Variants in PLEKHM3 observed in about 807,000 individuals in gnomAD.
PLEKHM3 encodes the protein pleckstrin homology domain-containing family M member 3.
In PLEKHM3, 45 loss-of-function variants were observed where a neutral mutation model predicts 81.8. That is an observed-to-expected ratio of 0.55 (90% CI 0.43 to 0.71). The LOEUF is 0.71. Ranked by LOEUF, PLEKHM3 falls within the 30% of genes least tolerant of loss-of-function variation. The pLI, the probability that PLEKHM3 is intolerant of heterozygous loss-of-function variation, is 0.00. For synonymous variants in PLEKHM3, 352 were observed against 356.4 expected (o/e 0.99, Z 0.14); for missense variants, 788 against 924.3 (o/e 0.85, Z 1.91).
chr2:208,004,556 T>C (rs1040020523), intron 1 of PLEKHM3, among the ~76,000 whole-genome samples: 4 of 152,184 alleles, frequency 2.6e-5, no homozygotes, highest in Admixed American at 1.3e-4. Flanking sequence ...TAGTATTTCA[T>C]AGAAGAAGCC....
At chr2:207,920,630 T>C (rs1003952984) in intron 5 of PLEKHM3, among the ~76,000 whole-genome samples, 5 of 151,918 alleles carry the variant, frequency 3.3e-5, no homozygotes, top group Non-Finnish European at 7.4e-5. Flanking sequence ...AAAAAGCTGT[T>C]TGATTTCTAA....
chr2:207,982,610 C>T (rs185668567), intron 2 of PLEKHM3, among the ~76,000 whole-genome samples: 3 of 142,972 alleles, frequency 2.1e-5, no homozygotes, highest in East Asian at 4.1e-4. Context: ...CGAAGTCTTG[C>T]TCTTGTCCCA....
intron 3 of PLEKHM3, among the ~76,000 whole-genome samples, chr2:207,947,706 A>T (rs1256608763): frequency 1.3e-5 from 2 of 152,226 alleles, no homozygotes; most frequent in Admixed American, 1.3e-4. Context: ...CTCTTTCAGT[A>T]CTACTACAAT....
intron 4 of PLEKHM3, among the ~76,000 whole-genome samples, chr2:207,931,879 G>T (rs910573651): frequency 1.3e-5 from 2 of 152,178 alleles, no homozygotes; most frequent in African/African-American, 4.8e-5. Flanking sequence ...AGGTTAAGGC[G>T]GGAGAATTGC....
intron 3 of PLEKHM3, among the ~76,000 whole-genome samples, chr2:207,956,719 T>A (rs1010452272): frequency 2.7e-5 from 1 of 37,394 alleles, no homozygotes; most frequent in East Asian, 4.3e-4. Context: ...CTGATTAAAA[T>A]TTTTTTTTTT....
chr2:207,831,510 T>C lies in PLEKHM3; in HGVS notation c.2109-3014A>G, dbSNP rs2092287805. 2.0e-5 allele frequency among the ~76,000 whole-genome samples: 3 copies of C among 152,214 alleles called. No individual in the cohort carries two copies. In the South Asian group the frequency reaches 6.2e-4, roughly 32 times the overall value. ...GACAGTGGGCAAGTTACTACTTAAG[T>C]TCTTGGTGCTTTGGTTTTCTCATTT... On this transcript the variant is annotated intron_variant, in intron 7 of 7. Coordinates refer to ENST00000427836, the MANE Select transcript of PLEKHM3 (RefSeq NM_001080475.3).
chr2:207,992,690 A>G (rs982342150), intron 2 of PLEKHM3, among the ~76,000 whole-genome samples: 4 of 152,160 alleles, frequency 2.6e-5, no homozygotes, highest in African/African-American at 9.7e-5. Flanking sequence ...CGTGCACAGC[A>G]GAGTAAAATG....
intron 5 of PLEKHM3, among the ~76,000 whole-genome samples, chr2:207,930,105 C>T (rs1438902414): frequency 6.6e-6 from 1 of 152,148 alleles, no homozygotes; most frequent in Non-Finnish European, 1.5e-5. Context: ...ATTTTACTTT[C>T]AACTTTAAGG....
chr2:207,908,913 C>T (rs554027680), intron 5 of PLEKHM3, among the ~76,000 whole-genome samples: 34 of 152,186 alleles, frequency 2.2e-4, no homozygotes, highest in Non-Finnish European at 3.8e-4. Context: ...CTGGCAAGTC[C>T]CCACATGCCC....
Position 207,843,357 on chromosome 2 carries a change from T to G in PLEKHM3, c.2109-14861A>C, listed in dbSNP as rs890771536. Among the ~76,000 whole-genome samples the G allele has an allele frequency of 1.8e-4, 27 of 152,062 alleles. No individual in the cohort carries two copies. The highest frequency in any genetic ancestry group is 6.5e-4 in the African/African-American group (27 of 41,402). ...GTGAGGTAACAAACTAATGGGAGGG[T>G]TAGCCTGGGAGAAGGAGACTTGAGT... is the stretch of plus-strand genomic sequence containing the variant. On this transcript the variant is annotated intron_variant, in intron 7 of 7. Coordinates refer to ENST00000427836, the MANE Select transcript of PLEKHM3 (RefSeq NM_001080475.3). The surrounding 1 kb of genome is among the most constrained non-coding windows in gnomAD (Gnocchi z 4.4).
chr2:207,967,236 C>T (rs1690947501), intron 3 of PLEKHM3, among the ~76,000 whole-genome samples: 1 of 152,122 alleles, frequency 6.6e-6, no homozygotes, highest in South Asian at 2.1e-4. Context: ...CTCAGGCAAT[C>T]CTCCCACTTC....
chr2:208,001,528 C>G lies in PLEKHM3; in HGVS notation c.112G>C (p.Gly38Arg). 3.7e-6 allele frequency: 6 copies of G among 1,614,210 alleles called. No individual in the cohort carries two copies. Among genetic ancestry groups the G allele is most frequent in the Non-Finnish European group, 5.1e-6 (6 of 1,180,034 alleles). The change falls in exon 2 of 8, where the codon GGG (glycine) becomes CGG (arginine). Residue 38 changes from glycine (G) to arginine (R), a missense_variant. Transcript: ENST00000427836. ...ACCAGTTCAGGGACTTCCTGGATCCCATAAACCTCTGCCTGCTGCACAGCC... is the reference window on the plus strand; with the variant it reads ...ACCAGTTCAGGGACTTCCTGGATCCGATAAACCTCTGCCTGCTGCACAGCC... ...EKAVQQAEVYGIQEVPELVGH... is the reference protein window; with the variant it reads ...EKAVQQAEVYRIQEVPELVGH...
At chr2:207,829,021 C>T (rs551422889) in intron 7 of PLEKHM3, among the ~76,000 whole-genome samples, 2 of 152,298 alleles carry the variant, frequency 1.3e-5, no homozygotes, top group South Asian at 4.2e-4. Context: ...TTCTGAATGA[C>T]ATCCTGTGGT....
At chr2:207,974,314 A>G (rs1206364792) in intron 3 of PLEKHM3, among the ~76,000 whole-genome samples, 3 of 152,102 alleles carry the variant, frequency 2.0e-5, no homozygotes, top group Non-Finnish European at 2.9e-5. Flanking sequence ...GCTGAATGGC[A>G]CCTTCTTACC....
chr2:207,972,115 T>C (rs753928520), intron 3 of PLEKHM3, among the ~76,000 whole-genome samples: 3 of 152,256 alleles, frequency 2.0e-5, no homozygotes, highest in Non-Finnish European at 2.9e-5. Context: ...GCAAGGACCA[T>C]GTCTGCTTTC....
intron 4 of PLEKHM3, among the ~76,000 whole-genome samples, chr2:207,940,511 CA>C (rs1387515520): frequency 6.6e-6 from 1 of 152,200 alleles, no homozygotes; most frequent in Non-Finnish European, 1.5e-5. Flanking sequence ...AGCTAACTAA[CA>C]AGTCACAATG....
rs148615894 is a variant in PLEKHM3, at chr2:207,983,966, C to T, written c.611-6380G>A. Among the ~76,000 whole-genome samples, 13 of 152,306 alleles carry T rather than the reference C, an allele frequency of 8.5e-5. No homozygotes were observed. The East Asian group carries it at 2.3e-3, about 27-fold the overall frequency. ...TCTGGGTATCTCACAGTCCCTCTCACGTCCCTCCTCAGGCTAACACTCTTC... is the reference window on the plus strand; with the variant it reads ...TCTGGGTATCTCACAGTCCCTCTCATGTCCCTCCTCAGGCTAACACTCTTC... On this transcript the variant is annotated intron_variant, in intron 2 of 7. Coordinates refer to ENST00000427836, the MANE Select transcript of PLEKHM3 (RefSeq NM_001080475.3).
chr2:207,949,774 A>T (rs77215101), intron 3 of PLEKHM3, among the ~76,000 whole-genome samples: 2,859 of 152,314 alleles, frequency 0.019, 103 homozygotes, highest in African/African-American at 0.066. Context: ...ACCAAAGAAC[A>T]CTAAAAAAAA....
At chr2:207,925,147 G>GTT (rs541574567) in intron 5 of PLEKHM3, among the ~76,000 whole-genome samples, 4 of 97,374 alleles carry the variant, frequency 4.1e-5, no homozygotes, top group Admixed American at 1.0e-4. Context: ...TTTGTTTTTT[G>GTT]TTTTTTTTTT....
Sources: gnomAD v4.1 joint callset for allele counts (sites outside exome capture counted in the v4.1 genomes callset) on GRCh38, gnomAD v4.1.1 for gene constraint, Gnocchi (gnomAD v3.1) non-coding constraint, MANE v1.5 for transcripts, NCBI Gene and HGNC (gene_info 2026-07-23, HGNC 2026-07-21) for gene names.